Variants in TAOK3 observed in about 807,000 individuals in gnomAD.
The protein encoded by TAOK3 is serine/threonine-protein kinase TAO3.
A neutral mutation model predicts 120.4 loss-of-function variants in TAOK3; 40 were observed. The ratio of observed to expected loss-of-function variants is 0.33; its 90% confidence interval spans 0.26 to 0.43. The LOEUF (loss-of-function observed/expected upper bound fraction) is 0.43. TAOK3 is among the 20% of genes least tolerant of loss of function. The probability of loss-of-function intolerance (pLI) is 1.00; values close to 1 mark genes in which losing one functional copy is unlikely to be tolerated. For synonymous variants in TAOK3, 355 were observed against 387.5 expected (o/e 0.92, Z 0.99); for missense variants, 821 against 1,112.1 (o/e 0.74, Z 3.72).
chr12:118,360,729 A>AT (rs1339115976), intron 1 of TAOK3, among the ~76,000 whole-genome samples: 3 of 152,190 alleles, frequency 2.0e-5, no homozygotes, highest in African/African-American at 7.2e-5. Context: ...TGAGCATTTC[A>AT]TATATAATGA....
At chr12:118,181,347 G>T in intron 15 of TAOK3, 24 bp downstream of exon 15, 1 of 1,575,288 alleles carries the variant, frequency 6.3e-7, no homozygotes, top group Non-Finnish European at 8.7e-7. Flanking sequence ...GTTGTGGCAT[G>T]AAGGCGTGTG....
chr12:118,348,848 T>C (rs2044999732), intron 1 of TAOK3, among the ~76,000 whole-genome samples: 1 of 149,972 alleles, frequency 6.7e-6, no homozygotes, highest in Non-Finnish European at 1.5e-5. Context: ...ATAATTTCTT[T>C]TTTTTTTTTT....
chr12:118,244,527 C>T (rs1033334400), intron 4 of TAOK3, among the ~76,000 whole-genome samples: 39 of 129,548 alleles, frequency 3.0e-4, no homozygotes, highest in Non-Finnish European at 3.4e-4. Context: ...TTTCTTTTTT[C>T]TTTTTCTTTT....
At chr12:118,284,992 T>C (rs1427375070) in intron 1 of TAOK3, among the ~76,000 whole-genome samples, 3 of 150,860 alleles carry the variant, frequency 2.0e-5, no homozygotes, top group African/African-American at 7.3e-5. Context: ...AAGATTACTC[T>C]GGCTTTTGCT....
chr12:118,201,024 T>A (rs1377418949), intron 12 of TAOK3: 3 of 286,364 alleles, frequency 1.0e-5, no homozygotes, highest in Admixed American at 4.6e-5. Flanking sequence ...ACCCACATCA[T>A]GTCCTCCAGG....
chr12:118,201,459 T>A lies in TAOK3; in HGVS notation c.824A>T (p.Asp275Val), dbSNP rs776273615. The A allele has an allele frequency of 2.9e-5, 46 of 1,607,826 alleles. No individual in the cohort carries two copies. Among genetic ancestry groups the A allele is most frequent in the Non-Finnish European group, 3.9e-5 (46 of 1,176,706 alleles). The change falls in exon 12 of 21, where the codon GAC (aspartate) becomes GTC (valine). Residue 275 changes from aspartate (D) to valine (V), a missense_variant. By Grantham distance (152) the Asp-to-Val change is radical (BLOSUM62 -3). Around this residue, in one of 2 missense-constraint regions of TAOK3, gnomAD observed 467 missense variants for 540.0 expected, o/e 0.86. Coordinates refer to ENST00000392533, the MANE Select transcript of TAOK3 (RefSeq NM_016281.4). ...TAGTGGCCGGTCTCGTCGAACAAAG[T>A]CATGCTGATTGAGGGAGGAGGAAAA... is the stretch of plus-strand genomic sequence containing the variant. ...RPTSAELLRH[D>V]FVRRDRPLRV...
chr12:118,227,988 A>G (rs2039588617), intron 9 of TAOK3, among the ~76,000 whole-genome samples: 1 of 152,174 alleles, frequency 6.6e-6, no homozygotes, highest in Non-Finnish European at 1.5e-5. Context: ...ACAGACACCT[A>G]TCACTTAGAT....
At chr12:118,280,565 T>C (rs1453854920) in intron 1 of TAOK3, among the ~76,000 whole-genome samples, 2 of 152,216 alleles carry the variant, frequency 1.3e-5, no homozygotes, top group Non-Finnish European at 2.9e-5. Flanking sequence ...TGTCTGTTTT[T>C]GTACCAGTAC....
In TAOK3 at chr12:118,233,774, C is replaced by T; in HGVS notation, c.552-9G>A. ...TCACCTCTGGAGCCATCCTACCAAA[C>T]ATAAGGTACAAAACTCAAGTTGGAG... On this transcript the variant is annotated splice_polypyrimidine_tract_variant and intron_variant, in intron 8 of 20. Coordinates refer to ENST00000392533, the MANE Select transcript of TAOK3 (RefSeq NM_016281.4). The T allele has an allele frequency of 6.3e-7, 1 of 1,589,280 alleles. No individual in the cohort carries two copies. Among genetic ancestry groups the T allele is most frequent in the Non-Finnish European group, 8.6e-7 (1 of 1,168,722 alleles).
At chr12:118,330,035 T>G (rs1566126787) in intron 1 of TAOK3, among the ~76,000 whole-genome samples, 1 of 152,208 alleles carries the variant, frequency 6.6e-6, no homozygotes, top group Non-Finnish European at 1.5e-5. Context: ...TTCAATATTT[T>G]GGAGGAAAAA....
In TAOK3 at chr12:118,323,620, C is replaced by G. The variant is rs1427841984; in HGVS notation, c.-194+49028G>C. 3.3e-5 allele frequency among the ~76,000 whole-genome samples: 5 copies of G among 151,936 alleles called. No individual in the cohort carries two copies. The East Asian group carries it at 9.6e-4, about 29-fold the overall frequency. ...ATAGCTTCAGCAGAGGTGCAGAGAA[C>G]AACAGTTTAGTACTCAAATAGAATA... On this transcript the variant is annotated intron_variant, in intron 1 of 20. Coordinates refer to ENST00000392533, the MANE Select transcript of TAOK3 (RefSeq NM_016281.4).
At chr12:118,172,406 T>TA in intron 17 of TAOK3, 51 bp downstream of exon 17, 1 of 1,577,322 alleles carries the variant, frequency 6.3e-7, no homozygotes, top group Non-Finnish European at 8.7e-7. Context: ...AAGCCTCACA[T>TA]AGCATATTGT....
intron 2 of TAOK3, among the ~76,000 whole-genome samples, chr12:118,260,718 T>C (rs1019894154): frequency 1.3e-5 from 2 of 152,216 alleles, no homozygotes; most frequent in Non-Finnish European, 2.9e-5. Context: ...TCTCGTTCTG[T>C]TGCCCAGGCT....
intron 1 of TAOK3, among the ~76,000 whole-genome samples, chr12:118,348,532 G>C (rs927095982): frequency 6.0e-5 from 9 of 151,078 alleles, no homozygotes; most frequent in Non-Finnish European, 1.3e-4. Context: ...CTCACTGCAA[G>C]CTCTGCCTCC....
Position 118,152,406 on chromosome 12 carries a change from G to C in TAOK3, c.2356C>G (p.Arg786Gly). Residue 786 changes from arginine (R) to glycine (G), a missense_variant, in exon 20 of 21, where the codon CGG (arginine) becomes GGG (glycine). Arg to Gly is a moderately radical substitution (Grantham distance 125, BLOSUM62 -2). Coordinates refer to ENST00000392533, the MANE Select transcript of TAOK3 (RefSeq NM_016281.4). ...TCTGCTTCTTGAGCCTCATCTAGCCGTAACTGCGGACACAGAAGACACACA... is the reference window on the plus strand; with the variant it reads ...TCTGCTTCTTGAGCCTCATCTAGCCCTAACTGCGGACACAGAAGACACACA... ...INEMMASQAL[R>G]LDEAQEAECQ... 6.2e-7 allele frequency: 1 copy of C among 1,609,898 alleles called. No individual in the cohort carries two copies. The highest frequency in any genetic ancestry group is 8.5e-7 in the Non-Finnish European group (1 of 1,178,728).
At chr12:118,166,354 C>T (rs939018520) in intron 17 of TAOK3, among the ~76,000 whole-genome samples, 3 of 151,966 alleles carry the variant, frequency 2.0e-5, no homozygotes, top group Middle Eastern at 3.2e-3. Context: ...GCCTGGCCAA[C>T]GTGGTTAAAC....
At chr12:118,347,573 C>T (rs961582744) in intron 1 of TAOK3, among the ~76,000 whole-genome samples, 2 of 152,144 alleles carry the variant, frequency 1.3e-5, no homozygotes, top group Non-Finnish European at 2.9e-5. Context: ...ACCTCTATGC[C>T]GCATCTCCTT....
rs533888484 is a variant in TAOK3 at position 118,263,209 on chromosome 12, G to C, written c.-89+3446C>G. Among the ~76,000 whole-genome samples the C allele has an allele frequency of 2.6e-4, 40 of 152,312 alleles. 1 individual carries two copies. The South Asian group carries it at 8.1e-3, about 31-fold the overall frequency. On this transcript the variant is annotated intron_variant, in intron 2 of 20. Coordinates refer to ENST00000392533, the MANE Select transcript of TAOK3 (RefSeq NM_016281.4). ...GACCCACATATTTATGGACAACTGA[G>C]ATTTGGTAGAAGTACAAAGGCAATC...
At chr12:118,199,485 G>T in intron 12 of TAOK3, 1 of 559,858 alleles carries the variant, frequency 1.8e-6, no homozygotes, top group Non-Finnish European at 3.2e-6. Flanking sequence ...GGGTCATAAG[G>T]CTCCAAATGC....
Sources: allele counts gnomAD v4.1 joint callset (sites outside exome capture counted in the v4.1 genomes callset), GRCh38; gene constraint gnomAD v4.1.1; regional missense constraint gnomAD v4.1.1; transcripts MANE v1.5; gene names NCBI Gene and HGNC (gene_info 2026-07-23, HGNC 2026-07-21).